The following DYNC2LI1 variants were observed in gnomAD, a reference collection of about 807,000 sequenced individuals.
The protein encoded by DYNC2LI1 is cytoplasmic dynein 2 light intermediate chain 1.
Under a neutral mutation model 51.9 loss-of-function variants are expected in DYNC2LI1, and 45 were observed. That is an observed-to-expected ratio of 0.87 (90% confidence interval 0.68 to 1.11). The LOEUF (loss-of-function observed/expected upper bound fraction) is 1.11. DYNC2LI1 is among the 50% of genes most tolerant of loss of function. DYNC2LI1 has a pLI of 0.00. For synonymous variants in DYNC2LI1, 130 were observed against 137.8 expected (o/e 0.94, Z 0.40); for missense variants, 490 against 417.4 (o/e 1.17, Z -1.51).
At chr2:43,822,000 T>C in the DYNC2LI1 span, among the ~76,000 whole-genome samples, 17 of 152,300 alleles carry the variant, frequency 1.1e-4, no homozygotes, top group East Asian at 7.7e-4. Context: ...CTTTGACTTA[T>C]CCAAATTTTG....
At chr2:43,797,185 G>C (rs1476526385) in intron 8 of DYNC2LI1, among the ~76,000 whole-genome samples, 1 of 152,172 alleles carries the variant, frequency 6.6e-6, no homozygotes, top group Non-Finnish European at 1.5e-5. Context: ...AAAAAGTGCT[G>C]TTTGTTGTAA....
intron 9 of DYNC2LI1, 189 bp from the exon 10 acceptor site, chr2:43,801,446 TAAAA>T: frequency 9.3e-6 from 4 of 429,354 alleles, no homozygotes; most frequent in African/African-American, 2.0e-5. Context: ...TTTTTTCCTA[TAAAA>T]TGTTTATTTA....
intron 12 of DYNC2LI1, among the ~76,000 whole-genome samples, chr2:43,806,896 A>AT (rs1032157777): frequency 1.3e-4 from 19 of 151,150 alleles, no homozygotes; most frequent in Non-Finnish European, 2.7e-4. Flanking sequence ...TTGGTTCGAG[A>AT]TTTTTTTTTA....
chr2:43,795,930 T>A lies in DYNC2LI1; in HGVS notation c.548T>A (p.Ile183Lys), dbSNP rs568094339. 7.4e-6 allele frequency: 12 copies of A among 1,613,454 alleles called. No individual in the cohort carries two copies. The South Asian group carries it at 1.2e-4, about 16-fold the overall frequency. ...LIDPFPVPLV[I>K]IGSKYDVFQD... ...GACCCATTTCCGGTACCTCTGGTCA[T>A]AATTGGAAGTAAATATGATGTTTTT... Residue 183 changes from isoleucine to lysine, a missense_variant, in exon 7 of 13, where the codon ATA becomes AAA. Transcript: ENST00000260605.
At chr2:43,822,485 C>CCCG in the DYNC2LI1 span, 11 of 925,856 alleles carry the variant, frequency 1.2e-5, no homozygotes, top group African/African-American at 1.6e-4. Flanking sequence ...CAGGCCCCCC[C>CCCG]CCATGCACCT....
At chr2:43,814,445 GC>G (rs1666686703), downstream of DYNC2LI1, 1 of 1,421,052 alleles carries the variant, frequency 7.0e-7, no homozygotes, top group East Asian at 2.3e-5. Context: ...AGAGTAACAT[GC>G]AAAAATAATA....
the DYNC2LI1 span, chr2:43,824,294 A>G: frequency 6.8e-6 from 11 of 1,614,048 alleles, no homozygotes; most frequent in Non-Finnish European, 8.5e-6. Context: ...TAACGTTTTC[A>G]GGTGTTTCAT....
the DYNC2LI1 span, chr2:43,824,511 G>A: frequency 6.3e-7 from 1 of 1,597,428 alleles, no homozygotes; most frequent in East Asian, 2.2e-5. Flanking sequence ...TGGTACAGGA[G>A]TACTGGCCAT....
At chr2:43,822,855 G>C in the DYNC2LI1 span, 2 of 1,614,194 alleles carry the variant, frequency 1.2e-6, no homozygotes, top group Non-Finnish European at 1.7e-6. Context: ...AGGACGTGCA[G>C]TGCATAGGCC....
At chr2:43,827,996 C>T in the DYNC2LI1 span, 4 of 1,613,966 alleles carry the variant, frequency 2.5e-6, no homozygotes, top group African/African-American at 2.7e-5. Context: ...GATCCTGGAG[C>T]AGCTGGGCTG....
At chr2:43,783,489 A>T in intron 2 of DYNC2LI1, 31 bp from the exon 3 acceptor site, 1 of 1,494,870 alleles carries the variant, frequency 6.7e-7, no homozygotes, top group Non-Finnish European at 9.0e-7. Flanking sequence ...GAGTGACATT[A>T]ACGCAGTGTT....
In DYNC2LI1 at chr2:43,774,447, A is replaced by G. The variant is rs111975559; in HGVS notation, c.8+301A>G. On this transcript the variant is annotated intron_variant, in intron 1 of 12. Coordinates refer to ENST00000260605, the MANE Select transcript of DYNC2LI1 (RefSeq NM_016008.4). Reference sequence around the variant, plus strand: ...TACTTCCGGAGCAGGACATTCGGCGATGAGCTAGACCACAAAGCCTCCTCT... The same window carrying G: ...TACTTCCGGAGCAGGACATTCGGCGGTGAGCTAGACCACAAAGCCTCCTCT... 4.3e-3 allele frequency among the ~76,000 whole-genome samples: 654 copies of G among 152,302 alleles called. 8 individuals are homozygous for G. The highest frequency in any genetic ancestry group is 0.019 in the South Asian group (91 of 4,818).
chr2:43,809,119 G>C (rs891041945), intron 12 of DYNC2LI1, among the ~76,000 whole-genome samples: 22 of 152,008 alleles, frequency 1.4e-4, no homozygotes, highest in African/African-American at 5.1e-4. Flanking sequence ...CTCCCAAGTA[G>C]CTGGGACCAC....
intron 5 of DYNC2LI1, among the ~76,000 whole-genome samples, chr2:43,790,326 A>G (rs1447177542): frequency 6.6e-6 from 1 of 152,216 alleles, no homozygotes; most frequent in Non-Finnish European, 1.5e-5. Flanking sequence ...TGTTCCTGGG[A>G]ACTGGTCTTA....
the DYNC2LI1 span, chr2:43,822,727 C>A: frequency 6.2e-7 from 1 of 1,609,294 alleles, no homozygotes; most frequent in Non-Finnish European, 8.5e-7. Flanking sequence ...TGGAGCTCTC[C>A]CTGCACGAGT....
chr2:43,789,373 T>C (rs1558677199), intron 4 of DYNC2LI1, among the ~76,000 whole-genome samples: 1 of 152,218 alleles, frequency 6.6e-6, no homozygotes, highest in Admixed American at 6.5e-5. Flanking sequence ...ATTGACGCAC[T>C]GTTGATGTCT....
downstream of DYNC2LI1, chr2:43,810,269 C>T: frequency 1.3e-6 from 1 of 750,348 alleles, no homozygotes; most frequent in South Asian, 6.2e-5. Context: ...CAGGTCCCCA[C>T]ACCTAGAGTG....
chr2:43,802,426 G>T (rs1431138643), intron 10 of DYNC2LI1, among the ~76,000 whole-genome samples: 1 of 149,144 alleles, frequency 6.7e-6, no homozygotes, highest in Non-Finnish European at 1.5e-5. Flanking sequence ...ACAAGCTAAA[G>T]GTGACTTGAC....
chr2:43,810,425 AT>A, downstream of DYNC2LI1: 1 of 985,356 alleles, frequency 1.0e-6, no homozygotes, highest in Non-Finnish European at 1.2e-6. Flanking sequence ...ACAAAACATC[AT>A]GTGTTGCGGA....
Sources: allele counts gnomAD v4.1 joint callset (sites outside exome capture counted in the v4.1 genomes callset), GRCh38; gene constraint gnomAD v4.1.1; transcripts MANE v1.5; gene names NCBI Gene and HGNC (gene_info 2026-07-23, HGNC 2026-07-21).